Variants in TENM3 observed in about 807,000 individuals in gnomAD.
TENM3 encodes teneurin transmembrane protein 3.
TENM3 carries 63 observed loss-of-function variants against 255.1 expected under a neutral mutation model. That is an observed-to-expected ratio of 0.25 (90% confidence interval 0.20 to 0.30). The LOEUF (loss-of-function observed/expected upper bound fraction) is 0.30, where lower values mean the gene tolerates loss of function less well. Ranked by LOEUF, TENM3 falls within the 10% of genes least tolerant of loss-of-function variation. The pLI, the probability that TENM3 is intolerant of heterozygous loss-of-function variation, is 1.00. For synonymous variants in TENM3, 1,306 were observed against 1,322.3 expected (o/e 0.99, Z 0.27); for missense variants, 2,929 against 3,461.1 (o/e 0.85, Z 3.86).
At chr4:182,213,655 A>C (rs1184019263) in intron 1 of TENM3, among the ~76,000 whole-genome samples, 1 of 152,242 alleles carries the variant, frequency 6.6e-6, no homozygotes, top group Non-Finnish European at 1.5e-5. Context: ...ATGTCATCTC[A>C]GTCATGGAAA....
intron 3 of TENM3, among the ~76,000 whole-genome samples, chr4:182,413,963 T>C (rs1202837563): frequency 6.6e-6 from 1 of 152,224 alleles, no homozygotes; most frequent in Non-Finnish European, 1.5e-5. Context: ...GAGAATGTAA[T>C]TTACTCTGTT....
chr4:181,449,479 G>A, the TENM3 span, among the ~76,000 whole-genome samples: 3 of 152,056 alleles, frequency 2.0e-5, no homozygotes, highest in Non-Finnish European at 2.9e-5. Context: ...GTAGTTGAAA[G>A]TTAGAAAGAA....
chr4:182,298,558 C>A (rs577082702), intron 1 of TENM3, among the ~76,000 whole-genome samples: 1 of 152,260 alleles, frequency 6.6e-6, no homozygotes, highest in East Asian at 1.9e-4. Context: ...TGGGAAAGTG[C>A]AGTCTTGGAA....
chr4:181,810,861 T>G, the TENM3 span, among the ~76,000 whole-genome samples: 373 of 152,204 alleles, frequency 2.5e-3, 2 homozygotes, highest in African/African-American at 8.5e-3. Flanking sequence ...CCAGTGTGGT[T>G]GGATCTAAGG....
intron 1 of TENM3, chr4:182,144,886 C>G (rs1483647030): frequency 6.6e-6 from 1 of 151,696 alleles, no homozygotes; most frequent in African/African-American, 2.4e-5. Context: ...GCGGGGACAT[C>G]TTCTCAGCGC....
chr4:181,503,789 C>A, the TENM3 span, among the ~76,000 whole-genome samples: 1 of 152,310 alleles, frequency 6.6e-6, no homozygotes, highest in South Asian at 2.1e-4. Flanking sequence ...TGGTTCTCAG[C>A]CAAGAGCTTG....
chr4:181,669,782 AC>A, the TENM3 span, among the ~76,000 whole-genome samples: 1 of 152,146 alleles, frequency 6.6e-6, no homozygotes. Flanking sequence ...TTTGGGGTCC[AC>A]CGATGAAGCC....
intron 19 of TENM3, among the ~76,000 whole-genome samples, chr4:182,743,903 A>G (rs1253299286): frequency 6.6e-6 from 1 of 152,128 alleles, no homozygotes; most frequent in Admixed American, 6.5e-5. Flanking sequence ...TAAAAGTAAC[A>G]TATTGTCTTT....
At chr4:182,229,269 T>A (rs367977234) in intron 1 of TENM3, among the ~76,000 whole-genome samples, 1 of 152,152 alleles carries the variant, frequency 6.6e-6, no homozygotes, top group African/African-American at 2.4e-5. Context: ...TTCAGGAAAA[T>A]CATTCTTCAC....
At chr4:181,667,593 A>C in the TENM3 span, among the ~76,000 whole-genome samples, 50 of 152,218 alleles carry the variant, frequency 3.3e-4, no homozygotes, top group African/African-American at 1.1e-3. Context: ...TAAAAGGATG[A>C]GTTCTCCCAC....
At chr4:181,531,821 T>G in the TENM3 span, among the ~76,000 whole-genome samples, 3 of 152,206 alleles carry the variant, frequency 2.0e-5, no homozygotes, top group Admixed American at 2.0e-4. Flanking sequence ...CACTGCTGCT[T>G]AAGCAGAAAA....
the TENM3 span, among the ~76,000 whole-genome samples, chr4:181,734,244 A>AAC: frequency 6.6e-6 from 1 of 151,946 alleles, no homozygotes; most frequent in African/African-American, 2.4e-5. Context: ...GGTCTTAGGT[A>AAC]ACACCTATAT....
At chr4:181,553,977 C>T in the TENM3 span, among the ~76,000 whole-genome samples, 1 of 152,178 alleles carries the variant, frequency 6.6e-6, no homozygotes, top group Non-Finnish European at 1.5e-5. Flanking sequence ...GCCTCCTCCC[C>T]TTTACTTGCC....
chr4:182,036,151 G>T, the TENM3 span, among the ~76,000 whole-genome samples: 1 of 152,082 alleles, frequency 6.6e-6, no homozygotes, highest in Non-Finnish European at 1.5e-5. Context: ...TGGTCCTACA[G>T]CACGTAGTTG....
the TENM3 span, among the ~76,000 whole-genome samples, chr4:181,988,823 C>G: frequency 9.9e-5 from 15 of 151,576 alleles, no homozygotes; most frequent in Admixed American, 2.6e-4. Flanking sequence ...TCTTGAGGGA[C>G]TTTGGACAAG....
chr4:182,431,292 G>T (rs1276751129), intron 3 of TENM3, among the ~76,000 whole-genome samples: 1 of 151,684 alleles, frequency 6.6e-6, no homozygotes, highest in Non-Finnish European at 1.5e-5. Flanking sequence ...TCAAGAGTTC[G>T]AGACCATCCT....
At chr4:182,378,330 A>G (rs1180810268) in intron 3 of TENM3, among the ~76,000 whole-genome samples, 1 of 152,252 alleles carries the variant, frequency 6.6e-6, no homozygotes, top group Admixed American at 6.5e-5. Flanking sequence ...TTACAAGTCT[A>G]GAGGGAAAGA....
At chr4:181,666,291 C>T in the TENM3 span, among the ~76,000 whole-genome samples, 3 of 152,144 alleles carry the variant, frequency 2.0e-5, no homozygotes, top group Non-Finnish European at 4.4e-5. Context: ...CTTCCAAATA[C>T]ATATGCAGTA....
the TENM3 span, among the ~76,000 whole-genome samples, chr4:181,717,479 A>G: frequency 6.6e-6 from 1 of 152,322 alleles, no homozygotes; most frequent in Non-Finnish European, 1.5e-5. Flanking sequence ...AAACCAGATA[A>G]TAGACTCTTA....
Sources: allele counts gnomAD v4.1 joint callset (sites outside exome capture counted in the v4.1 genomes callset), GRCh38; gene constraint gnomAD v4.1.1; transcripts MANE v1.5; gene names NCBI Gene and HGNC (gene_info 2026-07-23, HGNC 2026-07-21).